Variants in EVI5 observed in about 807,000 individuals in gnomAD.
EVI5 encodes ecotropic viral integration site 5 protein homolog.
In EVI5, 73 loss-of-function variants were observed where a neutral mutation model predicts 112.0. That is an observed-to-expected ratio of 0.65 (90% CI 0.54 to 0.79). The LOEUF (loss-of-function observed/expected upper bound fraction) is 0.79, where lower values mean the gene tolerates loss of function less well. EVI5 is among the 30% of genes least tolerant of loss of function. The probability of loss-of-function intolerance (pLI) is 0.00; values close to 1 mark genes in which losing one functional copy is unlikely to be tolerated. For synonymous variants in EVI5, 305 were observed against 319.9 expected, an observed-to-expected ratio of 0.95 and a Z score of 0.50; for missense variants, 900 against 968.8, an observed-to-expected ratio of 0.93 and a Z score of 0.94.
chr1:92,510,318 A>T lies in EVI5; in HGVS notation c.*3338T>A, dbSNP rs1659111642. On this transcript the variant is annotated 3_prime_UTR_variant, in exon 20 of 20. Transcript: ENST00000684568. ...CTTAAAGGTCTGTGATGCATGCTTT[A>T]AAGAACAGTGATGGGATTCTGGAGT... 6.6e-6 allele frequency: 1 copy of T among 152,228 alleles called. No homozygotes were observed. Among genetic ancestry groups the T allele is most frequent in the Non-Finnish European group, 1.5e-5 (1 of 68,030 alleles). 9.4% of individuals were successfully genotyped at this position (152,228 alleles called of 1,614,324 possible). A position where few individuals can be genotyped will look rare whatever the true frequency, so the allele number is the denominator to read the frequency against.
intron 9 of EVI5, among the ~76,000 whole-genome samples, chr1:92,688,411 T>TTGCTCTCTCAGGGGA (rs1333757605): frequency 6.6e-6 from 1 of 152,160 alleles, no homozygotes; most frequent in African/African-American, 2.4e-5. Flanking sequence ...TTTTCTTGCT[T>TTGCTCTCTCAGGGGA]TGCTCTCTCA....
At position 92,517,907 on chromosome 1, in the gene EVI5, T is replaced by G. The variant is rs1001472305; in HGVS notation, c.2167-3937A>C. On this transcript the variant is annotated intron_variant, in intron 19 of 19. Coordinates refer to ENST00000684568, the MANE Select transcript of EVI5 (RefSeq NM_001350197.2). The stretch of plus-strand genomic sequence containing the variant: ...ATGCTTTTTTTTTTTTTTTTTTTTT[T>G]GGTCGGGGGAGACACGGTCTGGCAC... 3.4e-5 allele frequency among the ~76,000 whole-genome samples: 5 copies of G among 148,928 alleles called. No homozygotes were observed. The East Asian group carries it at 9.8e-4, about 29-fold the overall frequency.
intron 19 of EVI5, 113 bp from the exon 20 acceptor site, chr1:92,514,083 G>T: frequency 3.3e-6 from 2 of 606,154 alleles, no homozygotes; most frequent in Non-Finnish European, 5.6e-6. Flanking sequence ...TCTATTTACA[G>T]GTATAATCAT....
chr1:92,784,096 A>G (rs1685276505), intron 1 of EVI5, among the ~76,000 whole-genome samples: 1 of 152,206 alleles, frequency 6.6e-6, no homozygotes, highest in African/African-American at 2.4e-5. Context: ...GATAGGAGGA[A>G]AGCGAGGAAA....
At chr1:92,621,701 T>C (rs993272989) in intron 16 of EVI5, among the ~76,000 whole-genome samples, 1 of 152,218 alleles carries the variant, frequency 6.6e-6, no homozygotes, top group Non-Finnish European at 1.5e-5. Flanking sequence ...TTTTAGCCTA[T>C]TGAGAGTTGA....
intron 19 of EVI5, among the ~76,000 whole-genome samples, chr1:92,559,434 G>A (rs1571535239): frequency 6.6e-6 from 1 of 152,012 alleles, no homozygotes; most frequent in South Asian, 2.1e-4. Context: ...CTTTGGGCTA[G>A]TTGTTTCTTC....
chr1:92,713,540 C>G (rs939398214), intron 2 of EVI5, among the ~76,000 whole-genome samples: 4 of 152,134 alleles, frequency 2.6e-5, no homozygotes, highest in African/African-American at 9.7e-5. Flanking sequence ...CTTTGGGAGG[C>G]TGAAACGGGC....
At chr1:92,539,886 C>A (rs1664524855) in intron 19 of EVI5, among the ~76,000 whole-genome samples, 1 of 152,140 alleles carries the variant, frequency 6.6e-6, no homozygotes, top group South Asian at 2.1e-4. Context: ...CCCCTCCAAC[C>A]CCAAGGAACC....
At position 92,513,599 on chromosome 1, in the gene EVI5, C is replaced by T. The variant is rs1300696459; in HGVS notation, c.*57G>A. On this transcript the variant is annotated 3_prime_UTR_variant, in exon 20 of 20. Coordinates refer to ENST00000684568, the MANE Select transcript of EVI5 (RefSeq NM_001350197.2). Reference sequence around the variant, plus strand: ...TGAAACAAATTATTTCCAAAAAGCCCTAATCATATGATAACTGATCCCTTA... The same window carrying T: ...TGAAACAAATTATTTCCAAAAAGCCTTAATCATATGATAACTGATCCCTTA... 4.0e-6 allele frequency: 4 copies of T among 995,972 alleles called. No homozygotes were observed. The highest frequency in any genetic ancestry group is 2.7e-5 in the South Asian group (1 of 36,554). 61.7% of individuals were successfully genotyped at this position (995,972 alleles called of 1,614,324 possible). A position where few individuals can be genotyped will look rare whatever the true frequency, so the allele number is the denominator to read the frequency against.
At chr1:92,551,495 T>A (rs991688352) in intron 19 of EVI5, among the ~76,000 whole-genome samples, 2 of 152,056 alleles carry the variant, frequency 1.3e-5, no homozygotes, top group Admixed American at 1.3e-4. Context: ...AAAACCAGAG[T>A]AAGTTCACAA....
At chr1:92,710,039 C>A (rs1672600155) in intron 2 of EVI5, among the ~76,000 whole-genome samples, 1 of 128,804 alleles carries the variant, frequency 7.8e-6, no homozygotes, top group Non-Finnish European at 1.5e-5. Context: ...TATTTTCCTC[C>A]TCCCAGATCA....
chr1:92,694,492 G>T, intron 7 of EVI5, 104 bp from the exon 8 acceptor site: 1 of 656,380 alleles, frequency 1.5e-6, no homozygotes, highest in South Asian at 2.0e-5. Context: ...ATCTAAACTA[G>T]GGGCTGGCAA....
chr1:92,582,438 T>C (rs1284499084), intron 18 of EVI5, among the ~76,000 whole-genome samples: 3 of 152,160 alleles, frequency 2.0e-5, no homozygotes, highest in African/African-American at 7.2e-5. Flanking sequence ...CAGTGACTTA[T>C]ATCTAGGCTG....
At chr1:92,517,870 A>G (rs1433597877) in intron 19 of EVI5, among the ~76,000 whole-genome samples, 1 of 148,746 alleles carries the variant, frequency 6.7e-6, no homozygotes, top group Non-Finnish European at 1.5e-5. Context: ...AAAATTACAC[A>G]TACAATATTA....
chr1:92,588,292 T>A (rs1458268620), intron 18 of EVI5, among the ~76,000 whole-genome samples: 1 of 152,168 alleles, frequency 6.6e-6, no homozygotes, highest in Admixed American at 6.5e-5. Context: ...AGGTCAAAGT[T>A]TTAGGTCCTA....
rs374662094 is a variant in EVI5, at chr1:92,561,489, C to T, written c.2166+2153G>A. Among the ~76,000 whole-genome samples, 16 of 152,064 alleles carry T rather than the reference C, an allele frequency of 1.1e-4. No individual in the cohort carries two copies. In the East Asian group the frequency reaches 1.4e-3, roughly 13 times the overall value. ...GGTAAGACTGCTTTCTTAGGCCACA[C>T]GTAAAAAACTGACATTAAAGTTAAA... On this transcript the variant is annotated intron_variant, in intron 19 of 19. Transcript: ENST00000684568.
At chr1:92,628,576 C>A (rs1283958438) in intron 14 of EVI5, among the ~76,000 whole-genome samples, 1 of 152,106 alleles carries the variant, frequency 6.6e-6, no homozygotes, top group African/African-American at 2.4e-5. Flanking sequence ...CACACGGATA[C>A]AAGACTTAGA....
chr1:92,722,501 T>G, intron 2 of EVI5, among the ~76,000 whole-genome samples: 1 of 134,578 alleles, frequency 7.4e-6, no homozygotes, highest in South Asian at 2.8e-4. Flanking sequence ...GTGTGTGATG[T>G]TCCCCTTCCT....
chr1:92,657,189 T>A (rs920111665), intron 13 of EVI5, among the ~76,000 whole-genome samples: 1 of 152,088 alleles, frequency 6.6e-6, no homozygotes, highest in African/African-American at 2.4e-5. Context: ...CACAATCAAG[T>A]GGGTCATACT....
Sources: allele counts gnomAD v4.1 joint callset (sites outside exome capture counted in the v4.1 genomes callset), GRCh38; gene constraint gnomAD v4.1.1; transcripts MANE v1.5; gene names NCBI Gene and HGNC (gene_info 2026-07-23, HGNC 2026-07-21).